BAG3: variants seen among roughly 807,000 people sequenced by gnomAD.
BAG3 encodes the protein BAG cochaperone 3.
A neutral mutation model predicts 40.5 loss-of-function variants in BAG3; 14 were observed. The observed-to-expected ratio is 0.35, with a 90% CI of 0.23 to 0.54. BAG3 has a LOEUF of 0.54. Ranked by LOEUF, BAG3 falls within the 20% of genes least tolerant of loss-of-function variation. The pLI is 0.91. For synonymous variants in BAG3, 302 were observed against 307.8 expected, an observed-to-expected ratio of 0.98 and a Z score of 0.20; for missense variants, 788 against 758.6, an observed-to-expected ratio of 1.04 and a Z score of -0.46.
At position 119,651,819 on chromosome 10, in the gene BAG3, G is replaced by A; in HGVS notation, c.144G>A (p.Thr48=). ...TGGACCACAACAGCCGCACCACTAC[G>A]TGGAACGACCCGCGCGTGCCCTCTG... ...FFVDHNSRTT[T]WNDPRVPSEG... Residue 48 remains threonine, a synonymous_variant, in exon 1 of 4, where the codon ACG becomes ACA. Coordinates refer to ENST00000369085, the MANE Select transcript of BAG3 (RefSeq NM_004281.4). The A allele has an allele frequency of 1.3e-6, 2 of 1,593,640 alleles. No individual in the cohort carries two copies. Among genetic ancestry groups the A allele is most frequent in the South Asian group, 2.3e-5 (2 of 88,602 alleles).
intron 1 of BAG3, among the ~76,000 whole-genome samples, chr10:119,665,359 C>G (rs1484374834): frequency 6.6e-6 from 1 of 151,654 alleles, no homozygotes; most frequent in Non-Finnish European, 1.5e-5. Context: ...CCAGGATGGT[C>G]TCCATCTCCT....
chr10:119,676,983 C>G lies in BAG3; in HGVS notation c.1429C>G (p.Arg477Gly). 1 of 1,614,152 alleles carries G rather than the reference C, an allele frequency of 6.2e-7. No individual in the cohort carries two copies. The highest frequency in any genetic ancestry group is 2.2e-5 in the East Asian group (1 of 44,892). The change falls in exon 4 of 4, where the codon CGT becomes GGT. Residue 477 changes from arginine to glycine, a missense_variant. By Grantham distance (125) the Arg-to-Gly change is moderately radical. Coordinates refer to ENST00000369085, the MANE Select transcript of BAG3 (RefSeq NM_004281.4). Reference sequence around the variant, plus strand: ...GGACCCCGAGGGACGAGCCGATGTGCGTCAGGCCAGGAGAGACGGTGTCAG... The same window carrying G: ...GGACCCCGAGGGACGAGCCGATGTGGGTCAGGCCAGGAGAGACGGTGTCAG... Reference protein sequence around the residue: ...SVDPEGRADVRQARRDGVRKV... With the variant: ...SVDPEGRADVGQARRDGVRKV...
At chr10:119,662,025 G>T (rs1277845222) in intron 1 of BAG3, among the ~76,000 whole-genome samples, 4 of 151,916 alleles carry the variant, frequency 2.6e-5, no homozygotes, top group East Asian at 1.9e-4. Flanking sequence ...GCTGAAGCTC[G>T]ACTCCAGTTG....
In BAG3 at chr10:119,669,844, A is replaced by G; in HGVS notation, c.181-7A>G. 6.2e-7 allele frequency: 1 copy of G among 1,613,692 alleles called. No homozygotes were observed. The highest frequency in any genetic ancestry group is 8.5e-7 in the Non-Finnish European group (1 of 1,179,788). ...ACCAGCCTGTGTTTCTCCACTTTTT[A>G]TTTCAGGAGACTCCATCCTCTGCCA... On this transcript the variant is annotated splice_region_variant and splice_polypyrimidine_tract_variant and intron_variant, in intron 1 of 3. Coordinates refer to ENST00000369085, the MANE Select transcript of BAG3 (RefSeq NM_004281.4).
intron 1 of BAG3, among the ~76,000 whole-genome samples, chr10:119,663,037 G>A (rs529119178): frequency 6.6e-6 from 1 of 152,226 alleles, no homozygotes; most frequent in East Asian, 1.9e-4. Context: ...AAAATAAAGA[G>A]CACTGTACCA....
In BAG3 at chr10:119,651,425, A is replaced by C. The variant is rs1846836311; in HGVS notation, c.-251A>C. 3 of 389,826 alleles carry C rather than the reference A, an allele frequency of 7.7e-6. No individual in the cohort carries two copies. The highest frequency in any genetic ancestry group is 1.4e-5 in the Non-Finnish European group (3 of 222,204). The allele number at this position is 389,826 out of a possible 1,614,324, so 24.1% of individuals were successfully genotyped here. On this transcript the variant is annotated 5_prime_UTR_variant, in exon 1 of 4. Coordinates refer to ENST00000369085, the MANE Select transcript of BAG3 (RefSeq NM_004281.4). The stretch of plus-strand genomic sequence containing the variant: ...GCCAACTTCTCTGGACTGGACCAGA[A>C]GTTTCTAGCCGGCCAGTTGCTACCT...
chr10:119,676,753 C>T lies in BAG3; in HGVS notation c.1199C>T (p.Thr400Ile), dbSNP rs1060502817. The T allele has an allele frequency of 6.2e-6, 10 of 1,614,178 alleles. No homozygotes were observed. Among genetic ancestry groups the T allele is most frequent in the African/African-American group, 1.3e-5 (1 of 75,048 alleles). The change falls in exon 4 of 4, where the codon ACT becomes ATT. Residue 400 changes from threonine to isoleucine, a missense_variant. Transcript: ENST00000369085. ...VATEERAAPSTAPAEATPPKP... is the reference protein window; with the variant it reads ...VATEERAAPSIAPAEATPPKP... ...ACAGAAGAGAGGGCAGCCCCCAGCACTGCCCCTGCAGAAGCTACACCTCCA... is the reference window on the plus strand; with the variant it reads ...ACAGAAGAGAGGGCAGCCCCCAGCATTGCCCCTGCAGAAGCTACACCTCCA...
chr10:119,668,819 G>A (rs192814009), intron 1 of BAG3, among the ~76,000 whole-genome samples: 2 of 152,384 alleles, frequency 1.3e-5, no homozygotes, highest in East Asian at 3.9e-4. Context: ...CAGTCAGGAA[G>A]ATTTATTCGG....
At chr10:119,659,975 C>T in intron 1 of BAG3, among the ~76,000 whole-genome samples, 1 of 152,098 alleles carries the variant, frequency 6.6e-6, no homozygotes, top group Non-Finnish European at 1.5e-5. Flanking sequence ...CTGAAGCTAA[C>T]TTCATGTGAC....
At position 119,677,286 on chromosome 10, in the gene BAG3, C is replaced by T. The variant is rs941135359; in HGVS notation, c.*4C>T. On this transcript the variant is annotated 3_prime_UTR_variant, in exon 4 of 4. Transcript: ENST00000369085. ...TGGTAACCCAGCAGCACCGTAGCCT[C>T]TGCCCTGTAAAAATCAGACTCGGAA... The T allele has an allele frequency of 3.1e-6, 5 of 1,613,674 alleles. No individual in the cohort carries two copies. Among genetic ancestry groups the T allele is most frequent in the Non-Finnish European group, 4.2e-6 (5 of 1,180,046 alleles).
intron 1 of BAG3, among the ~76,000 whole-genome samples, chr10:119,667,851 T>C (rs1847087643): frequency 6.6e-6 from 1 of 152,178 alleles, no homozygotes; most frequent in Admixed American, 6.5e-5. Flanking sequence ...CCAGCAAAAA[T>C]GACACTGCAG....
intron 1 of BAG3, among the ~76,000 whole-genome samples, chr10:119,666,724 A>G (rs1456196488): frequency 9.4e-6 from 1 of 106,500 alleles, no homozygotes; most frequent in Admixed American, 9.7e-5. Context: ...GGGTCTGGCT[A>G]TAAGGGGTTG....
At position 119,672,691 on chromosome 10, in the gene BAG3, G is replaced by A; in HGVS notation, c.909+35G>A. The A allele has an allele frequency of 6.2e-7, 1 of 1,607,306 alleles. No homozygotes were observed. Among genetic ancestry groups the A allele is most frequent in the Non-Finnish European group, 8.5e-7 (1 of 1,179,978 alleles). On this transcript the variant is annotated intron_variant, in intron 3 of 3. Coordinates refer to ENST00000369085, the MANE Select transcript of BAG3 (RefSeq NM_004281.4). The surrounding 1 kb of genome is among the most constrained non-coding windows in gnomAD (Gnocchi z 4.8). Reference sequence around the variant, plus strand: ...GTTAGTCGTCAGCAGACTGGTTATGGTGGTATGTCTCCAGGGGTGCAGGAG... The same window carrying A: ...GTTAGTCGTCAGCAGACTGGTTATGATGGTATGTCTCCAGGGGTGCAGGAG...
intron 3 of BAG3, among the ~76,000 whole-genome samples, chr10:119,674,531 C>T (rs1475164644): frequency 2.0e-5 from 3 of 152,184 alleles, no homozygotes; most frequent in Admixed American, 2.0e-4. Context: ...AGGATTTCAC[C>T]AAACTGAACG....
intron 1 of BAG3, among the ~76,000 whole-genome samples, chr10:119,662,987 C>T (rs1271555260): frequency 1.3e-5 from 2 of 152,148 alleles, no homozygotes; most frequent in African/African-American, 4.8e-5. Context: ...TGCACTCCAG[C>T]CTAGGCGACA....
chr10:119,676,347 A>G lies in BAG3; in HGVS notation c.910-117A>G, dbSNP rs1339793196. 5.6e-6 allele frequency: 6 copies of G among 1,075,840 alleles called. No homozygotes were observed. In the African/African-American group the frequency reaches 9.6e-5, roughly 17 times the overall value. The allele number at this position is 1,075,840 out of a possible 1,614,324, so 66.6% of individuals were successfully genotyped here. On this transcript the variant is annotated intron_variant, in intron 3 of 3. Transcript: ENST00000369085. Reference sequence around the variant, plus strand: ...ATTGACTTTGAAAATCTTTTATACTATTAAACTTTTTTTAAAAAGCCATTT... The same window carrying G: ...ATTGACTTTGAAAATCTTTTATACTGTTAAACTTTTTTTAAAAAGCCATTT...
At chr10:119,665,542 G>T (rs1379201688) in intron 1 of BAG3, among the ~76,000 whole-genome samples, 4 of 152,070 alleles carry the variant, frequency 2.6e-5, no homozygotes, top group Non-Finnish European at 5.9e-5. Context: ...GCCTCCCAAA[G>T]TGCTGAGATG....
chr10:119,658,709 C>A (rs1020307830), intron 1 of BAG3, among the ~76,000 whole-genome samples: 4 of 152,166 alleles, frequency 2.6e-5, no homozygotes, highest in Admixed American at 2.0e-4. Flanking sequence ...TACCATCAGA[C>A]AAACCTGGGT....
intron 1 of BAG3, among the ~76,000 whole-genome samples, chr10:119,654,047 TAAG>T (rs932061785): frequency 3.3e-5 from 5 of 152,204 alleles, no homozygotes; most frequent in Admixed American, 6.5e-5. Flanking sequence ...CACCAAAACT[TAAG>T]GAGAAAACTA....
Sources: gnomAD v4.1 joint callset for allele counts (sites outside exome capture counted in the v4.1 genomes callset) on GRCh38, gnomAD v4.1.1 for gene constraint, Gnocchi (gnomAD v3.1) non-coding constraint, MANE v1.5 for transcripts, NCBI Gene and HGNC (gene_info 2026-07-23, HGNC 2026-07-21) for gene names.